Variants in RAB3GAP2 observed in about 807,000 individuals in gnomAD.
RAB3GAP2 encodes rab3 GTPase-activating protein non-catalytic subunit.
RAB3GAP2 carries 87 observed loss-of-function variants against 185.3 expected under a neutral mutation model. The observed-to-expected ratio is 0.47, with a 90% CI of 0.39 to 0.56. The LOEUF is 0.56. Ranked by LOEUF, RAB3GAP2 falls within the 20% of genes least tolerant of loss-of-function variation. The pLI is 0.00. For synonymous variants in RAB3GAP2, 554 were observed against 576.1 expected, an observed-to-expected ratio of 0.96 and a Z score of 0.55; for missense variants, 1,492 against 1,638.2, an observed-to-expected ratio of 0.91 and a Z score of 1.54.
intron 15 of RAB3GAP2, 73 bp downstream of exon 15, chr1:220,190,303 GA>G (rs1398529624): frequency 1.3e-6 from 2 of 1,593,592 alleles, no homozygotes; most frequent in African/African-American, 2.7e-5. Context: ...AACTACAAAA[GA>G]GAGTACAACA....
chr1:220,165,799 G>A (rs1658051572), intron 26 of RAB3GAP2, among the ~76,000 whole-genome samples: 1 of 152,106 alleles, frequency 6.6e-6, no homozygotes, highest in East Asian at 1.9e-4. Context: ...CCTCATTTTA[G>A]GAGAACATTG....
At chr1:220,223,899 T>TAA (rs945051313) in intron 2 of RAB3GAP2, among the ~76,000 whole-genome samples, 11 of 116,398 alleles carry the variant, frequency 9.5e-5, no homozygotes, top group Admixed American at 1.0e-4. Flanking sequence ...ACCCCATCTG[T>TAA]AAAAAAAAAA....
chr1:220,202,227 A>G, intron 9 of RAB3GAP2, 49 bp downstream of exon 9: 1 of 1,580,390 alleles, frequency 6.3e-7, no homozygotes, highest in Non-Finnish European at 8.6e-7. Flanking sequence ...TACTTCAATA[A>G]AAAGTGTAAG....
At position 220,191,304 on chromosome 1, in the gene RAB3GAP2, G is replaced by A. The variant is rs1333764591; in HGVS notation, c.1271-20C>T. On this transcript the variant is annotated intron_variant, in intron 13 of 34. Coordinates refer to ENST00000358951, the MANE Select transcript of RAB3GAP2 (RefSeq NM_012414.4). ...GGTACCCTTAGAGACAGAGGTAAAG[G>A]GAAGTTAATTACTTAATCTAGGTTC... The A allele has an allele frequency of 2.2e-6, 3 of 1,348,314 alleles. No individual in the cohort carries two copies. Among genetic ancestry groups the A allele is most frequent in the Admixed American group, 2.1e-5 (1 of 48,120 alleles). 83.5% of individuals were successfully genotyped at this position (1,348,314 alleles called of 1,614,324 possible). A position where few individuals can be genotyped will look rare whatever the true frequency, so the allele number is the denominator to read the frequency against.
intron 1 of RAB3GAP2, among the ~76,000 whole-genome samples, chr1:220,245,185 C>A (rs1659777974): frequency 6.6e-6 from 1 of 152,072 alleles, no homozygotes; most frequent in Admixed American, 6.6e-5. Context: ...CGAATAGGAA[C>A]AGCTCCGGTC....
intron 13 of RAB3GAP2, among the ~76,000 whole-genome samples, chr1:220,192,937 G>C (rs560753339): frequency 2.0e-5 from 3 of 152,290 alleles, no homozygotes; most frequent in African/African-American, 7.2e-5. Context: ...GAATGGCTTT[G>C]TGAAGGGGAA....
At position 220,150,057 on chromosome 1, in the gene RAB3GAP2, G is replaced by C. The variant is rs1357917018; in HGVS notation, c.*1194C>G. The C allele has an allele frequency of 1.3e-5, 2 of 150,712 alleles. No individual in the cohort carries two copies. Among genetic ancestry groups the C allele is most frequent in the African/African-American group, 2.4e-5 (1 of 41,058 alleles). The allele number at this position is 150,712 out of a possible 1,614,324, so 9.3% of individuals were successfully genotyped here. A position where few individuals can be genotyped will look rare whatever the true frequency, so the allele number is the denominator to read the frequency against. ...ATACCACAATAAATACTTGGTATTT[G>C]TAGAGCTCAAAGCACTCTTTTACAG... On this transcript the variant is annotated 3_prime_UTR_variant, in exon 35 of 35. Coordinates refer to ENST00000358951, the MANE Select transcript of RAB3GAP2 (RefSeq NM_012414.4).
intron 21 of RAB3GAP2, among the ~76,000 whole-genome samples, chr1:220,180,827 T>C (rs1170733336): frequency 1.3e-5 from 2 of 152,032 alleles, no homozygotes; most frequent in African/African-American, 4.8e-5. Context: ...GATGCCCAAA[T>C]CCTGGCCAAA....
intron 24 of RAB3GAP2, among the ~76,000 whole-genome samples, chr1:220,168,584 A>G (rs1658115475): frequency 6.6e-6 from 1 of 151,966 alleles, no homozygotes; most frequent in African/African-American, 2.4e-5. Flanking sequence ...TTTAGTAGAG[A>G]CAGGGTTTCA....
intron 2 of RAB3GAP2, among the ~76,000 whole-genome samples, chr1:220,223,169 C>T (rs1048772554): frequency 2.0e-5 from 3 of 152,118 alleles, no homozygotes; most frequent in Non-Finnish European, 4.4e-5. Flanking sequence ...CACCTCAGCC[C>T]CTGAGTAGGT....
At position 220,151,049 on chromosome 1, in the gene RAB3GAP2, T is replaced by C. The variant is rs936795877; in HGVS notation, c.*202A>G. The C allele has an allele frequency of 7.2e-6, 4 of 554,062 alleles. No individual in the cohort carries two copies. In the African/African-American group the frequency reaches 7.5e-5, roughly 10 times the overall value. 34.3% of individuals were successfully genotyped at this position (554,062 alleles called of 1,614,324 possible). A position where few individuals can be genotyped will look rare whatever the true frequency, so the allele number is the denominator to read the frequency against. ...TTATAACAGAGTTGACATTTGTTTATATTTTATCTTCAGTATTAACCAAAG... is the reference window on the plus strand; with the variant it reads ...TTATAACAGAGTTGACATTTGTTTACATTTTATCTTCAGTATTAACCAAAG... On this transcript the variant is annotated 3_prime_UTR_variant, in exon 35 of 35. Coordinates refer to ENST00000358951, the MANE Select transcript of RAB3GAP2 (RefSeq NM_012414.4).
Position 220,190,450 on chromosome 1 carries a change from A to G in RAB3GAP2, c.1558T>C (p.Tyr520His). The G allele has an allele frequency of 3.1e-6, 5 of 1,613,524 alleles. No individual in the cohort carries two copies. The highest frequency in any genetic ancestry group is 4.2e-6 in the Non-Finnish European group (5 of 1,179,436). ...VTSQSWQPQTYQICLVDPVSG... is the reference protein window; with the variant it reads ...VTSQSWQPQTHQICLVDPVSG... Reference sequence around the variant, plus strand: ...ACTGGATCAACCAGACAGATCTGATAAGTCTGTGGCTGCCAACTCTGACTG... The same window carrying G: ...ACTGGATCAACCAGACAGATCTGATGAGTCTGTGGCTGCCAACTCTGACTG... Residue 520 changes from tyrosine (Y) to histidine (H), a missense_variant, in exon 15 of 35, where the codon TAT becomes CAT. Transcript: ENST00000358951.
intron 7 of RAB3GAP2, among the ~76,000 whole-genome samples, chr1:220,210,185 A>G (rs1027972057): frequency 6.6e-6 from 1 of 152,222 alleles, no homozygotes; most frequent in African/African-American, 2.4e-5. Context: ...AATGAAACAT[A>G]TAATATTTCA....
At chr1:220,219,066 T>G (rs1659253881) in intron 2 of RAB3GAP2, among the ~76,000 whole-genome samples, 1 of 152,206 alleles carries the variant, frequency 6.6e-6, no homozygotes. Flanking sequence ...GAGTAAATTT[T>G]ACCATATTAT....
chr1:220,259,444 G>A (rs1247151693), intron 1 of RAB3GAP2, among the ~76,000 whole-genome samples: 1 of 152,024 alleles, frequency 6.6e-6, no homozygotes, highest in Non-Finnish European at 1.5e-5. Context: ...ACAATCATGT[G>A]ATCTTTGACA....
At chr1:220,250,572 A>G (rs1659913965) in intron 1 of RAB3GAP2, among the ~76,000 whole-genome samples, 1 of 152,200 alleles carries the variant, frequency 6.6e-6, no homozygotes, top group South Asian at 2.1e-4. Context: ...TTGAAATGTG[A>G]GGACATGAGA....
At chr1:220,201,708 C>T (rs530046235) in intron 9 of RAB3GAP2, among the ~76,000 whole-genome samples, 3 of 152,104 alleles carry the variant, frequency 2.0e-5, no homozygotes, top group Admixed American at 6.5e-5. Flanking sequence ...CTATGTGGGT[C>T]GGGCTAATCT....
Position 220,261,278 on chromosome 1 carries a change from G to A in RAB3GAP2, c.115+10945C>T, listed in dbSNP as rs1031868015. 3.3e-5 allele frequency among the ~76,000 whole-genome samples: 5 copies of A among 152,090 alleles called. No individual in the cohort carries two copies. In the South Asian group the frequency reaches 1.0e-3, roughly 32 times the overall value. On this transcript the variant is annotated intron_variant, in intron 1 of 34. Transcript: ENST00000358951. ...GAGTTTCAAGAATTCTTCTCTATGA[G>A]GAAGGTTCAACAACTTACTCTTCAT...
chr1:220,264,810 A>G (rs1660200964), intron 1 of RAB3GAP2, among the ~76,000 whole-genome samples: 1 of 152,132 alleles, frequency 6.6e-6, no homozygotes, highest in South Asian at 2.1e-4. Flanking sequence ...TCCTGCATAG[A>G]CTAGACCAAC....
Sources: gnomAD v4.1 joint callset for allele counts (sites outside exome capture counted in the v4.1 genomes callset) on GRCh38, gnomAD v4.1.1 for gene constraint, MANE v1.5 for transcripts, NCBI Gene and HGNC (gene_info 2026-07-23, HGNC 2026-07-21) for gene names.